The following TEX35 variants were observed in gnomAD, a reference collection of about 807,000 sequenced individuals.
The protein encoded by TEX35 is testis-expressed protein 35.
TEX35 carries 26 observed loss-of-function variants against 31.9 expected under a neutral mutation model. The observed-to-expected ratio is 0.81, with a 90% confidence interval of 0.60 to 1.13. TEX35 has a LOEUF of 1.13. Ranked by LOEUF, TEX35 falls within the 50% of genes most tolerant of loss-of-function variation. The pLI, the probability that TEX35 is intolerant of heterozygous loss-of-function variation, is 0.00. For missense variants in TEX35, 278 were observed against 273.5 expected (o/e 1.02, Z -0.12); for synonymous variants, 87 against 90.7 (o/e 0.96, Z 0.23).
chr1:178,513,914 C>G (rs1475548359), intron 1 of TEX35, 113 bp from the exon 2 acceptor site: 11 of 1,260,762 alleles, frequency 8.7e-6, no homozygotes, highest in Non-Finnish European at 1.2e-5. Flanking sequence ...GTTGGACAGG[C>G]AGGGTTGCAT....
chr1:178,513,856 G>A (rs919424455), intron 1 of TEX35, among the ~76,000 whole-genome samples, 171 bp from the exon 2 acceptor site: 2 of 152,248 alleles, frequency 1.3e-5, no homozygotes, highest in African/African-American at 4.8e-5. Context: ...TGATTTGTTA[G>A]GAATCGGATC....
chr1:178,522,222 C>T, intron 8 of TEX35, 103 bp from the exon 9 acceptor site: 1 of 1,431,866 alleles, frequency 7.0e-7, no homozygotes, highest in Non-Finnish European at 9.3e-7. Flanking sequence ...AAGCAGGACT[C>T]AGGTCCCTGC....
chr1:178,522,422 C>G lies in TEX35; in HGVS notation c.684C>G (p.Ser228=). 1 of 1,600,926 alleles carries G rather than the reference C, an allele frequency of 6.2e-7. No homozygotes were observed. The highest frequency in any genetic ancestry group is 8.5e-7 in the Non-Finnish European group (1 of 1,172,860). The change falls in exon 9 of 9, where the codon TCC becomes TCG. Residue 228 remains serine, a synonymous_variant. Coordinates refer to ENST00000319416, the MANE Select transcript of TEX35 (RefSeq NM_032126.5). The part of the protein sequence containing the change: ...SVGHAVPAPK[S]QTEGR ...GCCACGCTGTGCCTGCCCCAAAGTC[C>G]CAGACTGAGGGAAGGTGAAGCTTAA...
Position 178,522,443 on chromosome 1 carries a change from C to A in TEX35, c.*3C>A. The A allele has an allele frequency of 1.3e-6, 2 of 1,589,206 alleles. No individual in the cohort carries two copies. The highest frequency in any genetic ancestry group is 1.7e-6 in the Non-Finnish European group (2 of 1,166,002). Reference sequence around the variant, plus strand: ...AGTCCCAGACTGAGGGAAGGTGAAGCTTAACTGCCAGCTTGAAATGAGAGT... The same window carrying A: ...AGTCCCAGACTGAGGGAAGGTGAAGATTAACTGCCAGCTTGAAATGAGAGT... On this transcript the variant is annotated 3_prime_UTR_variant, in exon 9 of 9. Coordinates refer to ENST00000319416, the MANE Select transcript of TEX35 (RefSeq NM_032126.5).
At chr1:178,521,522 A>G (rs779225404) in intron 8 of TEX35, 5 of 1,241,934 alleles carry the variant, frequency 4.0e-6, no homozygotes, top group Non-Finnish European at 5.8e-6. Context: ...GGCGGAACTG[A>G]CCTTGCCTCA....
At chr1:178,520,233 C>T in intron 5 of TEX35, 139 bp from the exon 6 acceptor site, 1 of 743,700 alleles carries the variant, frequency 1.3e-6, no homozygotes, top group Non-Finnish European at 2.2e-6. Context: ...ATGTCACGGA[C>T]ACTCCAAAAG....
chr1:178,520,346 T>C (rs773088882), intron 5 of TEX35, 26 bp from the exon 6 acceptor site: 20 of 1,608,550 alleles, frequency 1.2e-5, no homozygotes, highest in Non-Finnish European at 1.7e-5. Context: ...AAAATGAAGA[T>C]GCTAGTTCTG....
chr1:178,518,474 G>T (rs1218116244), intron 5 of TEX35, among the ~76,000 whole-genome samples: 1 of 151,798 alleles, frequency 6.6e-6, no homozygotes, highest in African/African-American at 2.4e-5. Context: ...CAACAGTAGG[G>T]GAATGGCCAA....
In TEX35 at chr1:178,516,710, C is replaced by A. The variant is rs199666845; in HGVS notation, c.276+36C>A. On this transcript the variant is annotated intron_variant, in intron 5 of 8. Transcript: ENST00000319416. ...CTTGAGTGCCTTCCATGGGCCAGTA[C>A]CATACTGGAAACTGTGGAAGAGACA... is the stretch of plus-strand genomic sequence containing the variant. The A allele has an allele frequency of 1.0e-5, 15 of 1,486,374 alleles. No individual in the cohort carries two copies. The African/African-American group carries it at 1.5e-4, about 15-fold the overall frequency. 92.1% of individuals were successfully genotyped at this position (1,486,374 alleles called of 1,614,324 possible).
chr1:178,514,314 T>A (rs1285798197), intron 2 of TEX35: 4 of 1,388,588 alleles, frequency 2.9e-6, no homozygotes, highest in Non-Finnish European at 3.8e-6. Context: ...CAGGGAGACA[T>A]GTCTGAGTGG....
intron 8 of TEX35, chr1:178,521,561 GA>G: frequency 6.8e-7 from 1 of 1,468,062 alleles, no homozygotes; most frequent in South Asian, 1.2e-5. Context: ...CATCCAGTGG[GA>G]AATATTCACA....
At chr1:178,518,365 C>T (rs1650154385) in intron 5 of TEX35, among the ~76,000 whole-genome samples, 1 of 151,944 alleles carries the variant, frequency 6.6e-6, no homozygotes, top group Non-Finnish European at 1.5e-5. Context: ...AGAATTTAAC[C>T]TATGAGAATA....
downstream of TEX35, chr1:178,522,796 A>G (rs1034984503): frequency 2.5e-6 from 1 of 406,278 alleles, no homozygotes; most frequent in Non-Finnish European, 3.5e-6. Context: ...CCCTTCAAGC[A>G]TTTATCTTTG....
At position 178,521,278 on chromosome 1, in the gene TEX35, T is replaced by C. The variant is rs371900017; in HGVS notation, c.586+14T>C. ...ACTACAATCGGGGTAGGTAGATTCA[T>C]ACAAGATGTGCCTTTTCTCGATCAG... On this transcript the variant is annotated intron_variant, in intron 8 of 8. Transcript: ENST00000319416. 5.4e-5 allele frequency: 87 copies of C among 1,614,078 alleles called. 1 individual carries two copies. In the African/African-American group the frequency reaches 1.1e-3, roughly 20 times the overall value.
At position 178,520,438 on chromosome 1, in the gene TEX35, T is replaced by TCC. The variant is rs759952897; in HGVS notation, c.341+2_341+3insCC. ...AAATACACAGAAGAACTATAAGCTGTAAGTGTAACCTGCACTCGTCTCTCC... is the reference window on the plus strand; with the variant it reads ...AAATACACAGAAGAACTATAAGCTGTCCAAGTGTAACCTGCACTCGTCTCTCC... On this transcript the variant is annotated splice_region_variant and intron_variant, in intron 6 of 8. Coordinates refer to ENST00000319416, the MANE Select transcript of TEX35 (RefSeq NM_032126.5). 23 of 1,614,026 alleles carry TCC rather than the reference T, an allele frequency of 1.4e-5. No individual in the cohort carries two copies. Among genetic ancestry groups the TCC allele is most frequent in the Admixed American group, 5.0e-5 (3 of 60,000 alleles).
intron 8 of TEX35, chr1:178,521,714 A>T (rs1255533197): frequency 6.4e-7 from 1 of 1,551,656 alleles, no homozygotes; most frequent in Non-Finnish European, 8.7e-7. Flanking sequence ...CATCACCTCC[A>T]AGCTCCTTAA....
Position 178,514,086 on chromosome 1 carries a change from C to T in TEX35, c.90+9C>T. ...AGCCAGAGCCGACCAAAGTAAGAAG[C>T]CCTTTTGAGGCCATGCAGGCAGCCA... On this transcript the variant is annotated intron_variant, in intron 2 of 8. Coordinates refer to ENST00000319416, the MANE Select transcript of TEX35 (RefSeq NM_032126.5). 6.2e-7 allele frequency: 1 copy of T among 1,614,208 alleles called. No homozygotes were observed. Among genetic ancestry groups the T allele is most frequent in the Non-Finnish European group, 8.5e-7 (1 of 1,180,044 alleles).
chr1:178,517,159 A>C (rs556558426), intron 5 of TEX35, among the ~76,000 whole-genome samples: 1 of 152,340 alleles, frequency 6.6e-6, no homozygotes, highest in South Asian at 2.1e-4. Context: ...ATAAGCTGGC[A>C]AAAGCAAATA....
intron 2 of TEX35, among the ~76,000 whole-genome samples, chr1:178,514,434 C>A (rs1230138420): frequency 2.0e-5 from 3 of 152,148 alleles, no homozygotes; most frequent in Non-Finnish European, 4.4e-5. Context: ...GAGGAGGCAG[C>A]ATGCACTGAG....
Sources: gnomAD v4.1 joint callset for allele counts (sites outside exome capture counted in the v4.1 genomes callset) on GRCh38, gnomAD v4.1.1 for gene constraint, MANE v1.5 for transcripts, NCBI Gene and HGNC (gene_info 2026-07-23, HGNC 2026-07-21) for gene names.